ESR1: variants seen among roughly 807,000 people sequenced by gnomAD.
ESR1 encodes estrogen receptor 1.
Under a neutral mutation model 52.7 loss-of-function variants are expected in ESR1, and 12 were observed. That is an observed-to-expected ratio of 0.23 (90% CI 0.15 to 0.37). The LOEUF is 0.37. Ranked by LOEUF, ESR1 falls within the 10% of genes least tolerant of loss-of-function variation. The pLI, the probability that ESR1 is intolerant of heterozygous loss-of-function variation, is 1.00. For synonymous variants in ESR1, 305 were observed against 316.8 expected (o/e 0.96, Z 0.39); for missense variants, 584 against 779.7 (o/e 0.75, Z 2.99).
chr6:151,962,967 G>C (rs2037842828), intron 4 of ESR1, among the ~76,000 whole-genome samples: 3 of 152,056 alleles, frequency 2.0e-5, no homozygotes, highest in Non-Finnish European at 4.4e-5. Flanking sequence ...GCATAGATTT[G>C]AGTTCGCTGT....
At chr6:151,963,439 T>C (rs898930523) in intron 4 of ESR1, among the ~76,000 whole-genome samples, 2 of 152,236 alleles carry the variant, frequency 1.3e-5, no homozygotes, top group South Asian at 2.1e-4. Flanking sequence ...CCACAGTTGG[T>C]ATCCCAAAGT....
chr6:152,120,771 A>G (rs2051304022), intron 6 of ESR1, among the ~76,000 whole-genome samples: 2 of 152,130 alleles, frequency 1.3e-5, no homozygotes, highest in South Asian at 4.1e-4. Flanking sequence ...GGACTTGGAA[A>G]ATCTAGCAAA....
chr6:151,941,438 T>A (rs1161841155), intron 3 of ESR1, among the ~76,000 whole-genome samples: 2 of 152,206 alleles, frequency 1.3e-5, no homozygotes, highest in East Asian at 3.8e-4. Flanking sequence ...AGAACTTATC[T>A]TCTCAAAACT....
intron 1 of ESR1, among the ~76,000 whole-genome samples, chr6:151,656,971 T>C (rs75010433): frequency 0.015 from 2,226 of 152,310 alleles, 25 homozygotes; most frequent in Non-Finnish European, 0.022. Context: ...AAAGACTTCA[T>C]ACATGGTGTG....
At chr6:151,726,581 C>G (rs1425718684) in intron 2 of ESR1, among the ~76,000 whole-genome samples, 1 of 152,208 alleles carries the variant, frequency 6.6e-6, no homozygotes, top group Non-Finnish European at 1.5e-5. Context: ...CGTGATCCAA[C>G]CGCCTCGGCC....
At chr6:152,003,951 A>T (rs1466517836) in intron 4 of ESR1, among the ~76,000 whole-genome samples, 1 of 152,056 alleles carries the variant, frequency 6.6e-6, no homozygotes, top group Non-Finnish European at 1.5e-5. Context: ...GAAATATTTC[A>T]TAAAATTTAT....
intron 1 of ESR1, among the ~76,000 whole-genome samples, chr6:151,821,954 T>C (rs1780623607): frequency 1.3e-5 from 2 of 152,222 alleles, no homozygotes; most frequent in Non-Finnish European, 2.9e-5. Context: ...ATGTCCCCGT[T>C]ACATGTGTTA....
intron 4 of ESR1, among the ~76,000 whole-genome samples, chr6:151,982,876 C>T (rs1231643761): frequency 6.6e-6 from 1 of 151,992 alleles, no homozygotes; most frequent in Non-Finnish European, 1.5e-5. Flanking sequence ...TACAGTGCAT[C>T]TCAATTTTAA....
In ESR1 at chr6:151,658,655, T is replaced by C. The variant is rs80095546; in HGVS notation, n.73+1892T>C. Among the ~76,000 whole-genome samples the C allele has an allele frequency of 1.8e-3, 273 of 152,164 alleles. 2 individuals are homozygous for C. In the East Asian group the frequency reaches 0.042, roughly 23 times the overall value. Reference sequence around the variant, plus strand: ...TTTACTTTAAGTTCTGGGATTAATATGTGCTTTTAACATTATTGTTTAAAA... The same window carrying C: ...TTTACTTTAAGTTCTGGGATTAATACGTGCTTTTAACATTATTGTTTAAAA... On this transcript the variant is annotated intron_variant and non_coding_transcript_variant, in intron 1 of 2. Coordinates refer to the ESR1 transcript ENST00000473497.
intron 2 of ESR1, among the ~76,000 whole-genome samples, chr6:151,870,858 C>CTTCTT (rs532521297): frequency 1.4e-5 from 2 of 146,132 alleles, no homozygotes; most frequent in African/African-American, 5.0e-5. Flanking sequence ...TCTTCTTCTT[C>CTTCTT]TTTTTTTTTT....
At chr6:151,990,491 C>T (rs2040905389) in intron 4 of ESR1, among the ~76,000 whole-genome samples, 3 of 152,132 alleles carry the variant, frequency 2.0e-5, no homozygotes, top group South Asian at 2.1e-4. Context: ...AAGTCCTCTG[C>T]ATCTAACTTT....
chr6:151,956,800 ATG>A (rs1245686896), intron 4 of ESR1, among the ~76,000 whole-genome samples: 17 of 139,126 alleles, frequency 1.2e-4, no homozygotes, highest in Admixed American at 3.1e-4. Context: ...ATACATATAT[ATG>A]TAAATATAAA....
intron 3 of ESR1, among the ~76,000 whole-genome samples, chr6:151,943,346 C>T (rs1370715474): frequency 6.6e-6 from 1 of 151,306 alleles, no homozygotes; most frequent in Non-Finnish European, 1.5e-5. Context: ...CGCCACTGCA[C>T]TCCAGCCTGG....
intron 5 of ESR1, among the ~76,000 whole-genome samples, chr6:152,051,761 T>C (rs899920837): frequency 6.6e-6 from 1 of 152,218 alleles, no homozygotes; most frequent in African/African-American, 2.4e-5. Flanking sequence ...TTCACTACCA[T>C]AGCATATTAA....
intron 4 of ESR1, among the ~76,000 whole-genome samples, chr6:151,987,908 C>A (rs1466738640): frequency 6.6e-6 from 1 of 152,084 alleles, no homozygotes; most frequent in Non-Finnish European, 1.5e-5. Context: ...ATCCTTCCCC[C>A]AATAAGACAA....
At position 152,098,647 on chromosome 6, in the gene ESR1, TCTTC is replaced by T. The variant is rs1175686266; in HGVS notation, c.1554-79_1554-76del. On this transcript the variant is annotated intron_variant, in intron 7 of 7. Transcript: ENST00000206249. The surrounding 1 kb of genome is among the most constrained non-coding windows in gnomAD (Gnocchi z 5.1). ...GATTGCTAAGTGTCTTTGGAGTTCC[TCTTC>T]CTTCCCCTTCTAGGGATTTCAGCAC... The T allele has an allele frequency of 4.6e-6, 5 of 1,095,064 alleles. No individual in the cohort carries two copies. The highest frequency in any genetic ancestry group is 6.9e-6 in the Non-Finnish European group (5 of 728,556). 67.8% of individuals were successfully genotyped at this position (1,095,064 alleles called of 1,614,324 possible). A position where few individuals can be genotyped will look rare whatever the true frequency, so the allele number is the denominator to read the frequency against.
chr6:151,888,356 G>T (rs997079310), intron 3 of ESR1, among the ~76,000 whole-genome samples: 2 of 151,966 alleles, frequency 1.3e-5, no homozygotes, highest in Non-Finnish European at 2.9e-5. Flanking sequence ...GATGTCTATA[G>T]CTTTTAGCAT....
At chr6:151,676,020 T>C (rs898609791) in intron 1 of ESR1, among the ~76,000 whole-genome samples, 1 of 152,124 alleles carries the variant, frequency 6.6e-6, no homozygotes, top group Admixed American at 6.5e-5. Context: ...GAGTCAAGGT[T>C]TGGACTGCAT....
At chr6:151,898,800 T>G (rs1453454659) in intron 3 of ESR1, among the ~76,000 whole-genome samples, 1 of 152,136 alleles carries the variant, frequency 6.6e-6, no homozygotes, top group African/African-American at 2.4e-5. Context: ...CGTCTACCTC[T>G]TTCTACACAG....
Sources: gnomAD v4.1 joint callset for allele counts (sites outside exome capture counted in the v4.1 genomes callset) on GRCh38, gnomAD v4.1.1 for gene constraint, Gnocchi (gnomAD v3.1) non-coding constraint, MANE v1.5 for transcripts, NCBI Gene and HGNC (gene_info 2026-07-23, HGNC 2026-07-21) for gene names.